Variants in RYR1 observed in about 807,000 individuals in gnomAD.
The protein encoded by RYR1 is ryanodine receptor 1, also known as central core disease of muscle.
Under a neutral mutation model 583.5 loss-of-function variants are expected in RYR1, and 342 were observed. The observed-to-expected ratio is 0.59, with a 90% CI of 0.54 to 0.64. The LOEUF is 0.64. RYR1 is among the 30% of genes least tolerant of loss of function. RYR1 has a pLI of 0.00. For synonymous variants in RYR1, 2,791 were observed against 2,822.5 expected (o/e 0.99, Z 0.35); for missense variants, 6,032 against 6,917.2 (o/e 0.87, Z 4.54).
intron 101 of RYR1, among the ~76,000 whole-genome samples, chr19:38,582,401 A>C (rs943686901): frequency 4.0e-5 from 6 of 151,152 alleles, no homozygotes; most frequent in African/African-American, 1.5e-4. Context: ...CCGTCTCAAA[A>C]AAAAGGAAAA....
At chr19:38,463,884 G>A in intron 22 of RYR1, 34 bp downstream of exon 22, 3 of 1,548,970 alleles carry the variant, frequency 1.9e-6, no homozygotes, top group Non-Finnish European at 2.7e-6. Context: ...GTTGGGGCTG[G>A]CTGCTGGTGC....
intron 89 of RYR1, among the ~76,000 whole-genome samples, chr19:38,554,734 A>G (rs1488498424): frequency 6.6e-6 from 1 of 151,950 alleles, no homozygotes; most frequent in Non-Finnish European, 1.5e-5. Context: ...CAGCCTCCCA[A>G]AGCGCTGGGA....
chr19:38,565,651 C>T lies in RYR1; in HGVS notation c.13317C>T (p.Ala4439=), dbSNP rs113579185. 59,011 of 1,388,862 alleles carry T rather than the reference C, an allele frequency of 0.042. 1,462 individuals carry two copies. Among genetic ancestry groups the T allele is most frequent in the Middle Eastern group, 0.067 (254 of 3,814 alleles). 86.0% of individuals were successfully genotyped at this position (1,388,862 alleles called of 1,614,324 possible). ...CGGGCGGTGCCGACGGGGCGGTGGC[C>T]GTGACCGATGGGGGCCCCTTCCGGC... The part of the protein sequence containing the change: ...AGPGGADGAV[A]VTDGGPFRPE... Residue 4439 remains alanine, a synonymous_variant, in exon 91 of 106, where the codon GCC becomes GCT. Coordinates refer to ENST00000359596, the MANE Select transcript of RYR1 (RefSeq NM_000540.3). This position sits in a 1 kb window ranked among gnomAD's most constrained non-coding sequence, Gnocchi z 4.7.
At chr19:38,497,460 G>C (rs1416123734) in intron 42 of RYR1, among the ~76,000 whole-genome samples, 7 of 152,194 alleles carry the variant, frequency 4.6e-5, no homozygotes, top group Non-Finnish European at 1.0e-4. Context: ...GTGTGGCCTT[G>C]GATAAGTGAC....
At position 38,473,805 on chromosome 19, in the gene RYR1, G is replaced by A. The variant is rs886038329; in HGVS notation, c.4160+34G>A. 4 of 1,462,110 alleles carry A rather than the reference G, an allele frequency of 2.7e-6. No homozygotes were observed. The African/African-American group carries it at 4.3e-5, about 16-fold the overall frequency. 90.6% of individuals were successfully genotyped at this position (1,462,110 alleles called of 1,614,324 possible). A position where few individuals can be genotyped will look rare whatever the true frequency, so the allele number is the denominator to read the frequency against. ...AGGGGGGCCCAGAGTGGGGATTGGG[G>A]GCTGCCTTGGGACCCCCAAGTAGGC... On this transcript the variant is annotated intron_variant, in intron 28 of 105. Coordinates refer to ENST00000359596, the MANE Select transcript of RYR1 (RefSeq NM_000540.3).
chr19:38,453,445 C>G (rs1967198967), intron 13 of RYR1, among the ~76,000 whole-genome samples: 1 of 150,480 alleles, frequency 6.6e-6, no homozygotes, highest in East Asian at 2.0e-4. Context: ...GTGGGGTGGG[C>G]GGACAGAATC....
chr19:38,586,230 A>C (rs780747452), intron 104 of RYR1, 39 bp downstream of exon 104: 6 of 1,569,226 alleles, frequency 3.8e-6, no homozygotes, highest in Non-Finnish European at 5.2e-6. Context: ...GGTGGGGGGC[A>C]TGGCTGCCAA....
intron 28 of RYR1, 35 bp downstream of exon 28, chr19:38,473,806 G>T (rs757941693): frequency 4.1e-6 from 6 of 1,460,150 alleles, no homozygotes; most frequent in Non-Finnish European, 4.5e-6. Context: ...GGGATTGGGG[G>T]CTGCCTTGGG....
chr19:38,475,570 A>G, intron 29 of RYR1, 120 bp downstream of exon 29: 1 of 1,215,016 alleles, frequency 8.2e-7, no homozygotes, highest in South Asian at 1.3e-5. Context: ...ACTCCCCAAT[A>G]TACACTAGAA....
At chr19:38,536,100 C>A (rs1435002798) in intron 82 of RYR1, 30 bp downstream of exon 82, 2 of 1,585,548 alleles carry the variant, frequency 1.3e-6, no homozygotes, top group Non-Finnish European at 1.7e-6. Flanking sequence ...TTCCCACCCC[C>A]TGAGACATCT....
rs757202177 is a variant in RYR1 at position 38,586,007 on chromosome 19, G to T, written c.14868+5G>T. On this transcript the variant is annotated splice_donor_5th_base_variant and intron_variant, in intron 103 of 105. Coordinates refer to ENST00000359596, the MANE Select transcript of RYR1 (RefSeq NM_000540.3). ...CAAGTGAAGGAGGATATGGAGGTAG[G>T]TCATGTCTGGGGGTGACCCAGAGGG... 6.2e-7 allele frequency: 1 copy of T among 1,614,084 alleles called. No individual in the cohort carries two copies. Among genetic ancestry groups the T allele is most frequent in the Non-Finnish European group, 8.5e-7 (1 of 1,180,012 alleles).
In RYR1 at chr19:38,534,707, C is replaced by T. The variant is rs540088883; in HGVS notation, c.11260-13C>T. 1.7e-4 allele frequency: 269 copies of T among 1,611,374 alleles called. No homozygotes were observed. Among genetic ancestry groups the T allele is most frequent in the Non-Finnish European group, 2.2e-4 (261 of 1,178,554 alleles). On this transcript the variant is annotated splice_polypyrimidine_tract_variant and intron_variant, in intron 78 of 105. Transcript: ENST00000359596. ...GCCTGGACTTGCCTTCATGTGTCTGCCTCCCTTCCCAGGAGAAACAGATGG... is the reference window on the plus strand; with the variant it reads ...GCCTGGACTTGCCTTCATGTGTCTGTCTCCCTTCCCAGGAGAAACAGATGG...
intron 25 of RYR1, 46 bp from the exon 26 acceptor site, chr19:38,468,920 C>T: frequency 6.2e-7 from 1 of 1,600,184 alleles, no homozygotes; most frequent in Non-Finnish European, 8.6e-7. Flanking sequence ...CTCTCCATTT[C>T]TCTGTGTGTC....
At chr19:38,570,578 G>A (rs375944437) in intron 93 of RYR1, 29 bp from the exon 94 acceptor site, 19 of 1,563,990 alleles carry the variant, frequency 1.2e-5, no homozygotes, top group African/African-American at 5.4e-5. Flanking sequence ...ATCTGTGAGC[G>A]CTTTCTCTCT....
rs185754956 is a variant in RYR1, at chr19:38,496,321, G to A, written c.6655G>A (p.Glu2219Lys). The A allele has an allele frequency of 1.2e-6, 2 of 1,613,976 alleles. No homozygotes were observed. The highest frequency in any genetic ancestry group is 1.7e-6 in the Non-Finnish European group (2 of 1,180,030). Residue 2219 changes from glutamate to lysine, a missense_variant, in exon 40 of 106, where the codon GAG becomes AAG. By Grantham distance (56) the Glu-to-Lys change is moderately conservative. This residue lies in a region of RYR1 where 2,627 missense variants were observed against 2,961.3 expected (regional missense o/e 0.89). Coordinates refer to ENST00000359596, the MANE Select transcript of RYR1 (RefSeq NM_000540.3). The surrounding 1 kb of genome is among the most constrained non-coding windows in gnomAD (Gnocchi z 4.8). The part of the protein sequence containing the change: ...EVMVNVLGGG[E>K]SKEIRFPKMV... ...CATGGTCAACGTCCTCGGGGGCGGC[G>A]AGTCCAAGGTGAGGGCCCAGGCAGG...
chr19:38,450,138 C>T (rs1468245856), intron 11 of RYR1, among the ~76,000 whole-genome samples: 1 of 152,152 alleles, frequency 6.6e-6, no homozygotes, highest in African/African-American at 2.4e-5. Flanking sequence ...TCTCTGGGAA[C>T]AGACTACGGT....
chr19:38,534,780 G>A lies in RYR1; in HGVS notation c.11320G>A (p.Ala3774Thr), dbSNP rs751516986. 6.2e-7 allele frequency: 1 copy of A among 1,613,854 alleles called. No homozygotes were observed. Among genetic ancestry groups the A allele is most frequent in the East Asian group, 2.2e-5 (1 of 44,876 alleles). Residue 3774 changes from alanine to threonine, a missense_variant, in exon 79 of 106, where the codon GCG (alanine) becomes ACG (threonine). By Grantham distance (58) the Ala-to-Thr change is moderately conservative. Transcript: ENST00000359596. The stretch of plus-strand genomic sequence containing the variant: ...GCAAGCACGGCTGCACACCCGGGGG[G>A]CGGCCGAGATGGTGCTGCAGATGAT... ...YQQARLHTRG[A>T]AEMVLQMISA...
At chr19:38,434,025 T>C (rs1972316552) in intron 1 of RYR1, 151 bp downstream of exon 1, 6 of 781,382 alleles carry the variant, frequency 7.7e-6, no homozygotes, top group Non-Finnish European at 1.4e-5. Flanking sequence ...CACTCTGTCT[T>C]TTAGTCTCCT....
rs564495912 is a variant in RYR1, at chr19:38,473,410, C to A, written c.3799C>A (p.Pro1267Thr). The change falls in exon 28 of 106, where the codon CCC becomes ACC. Residue 1267 changes from proline (P) to threonine (T), a missense_variant. Pro to Thr is a conservative substitution (Grantham distance 38). Transcript: ENST00000359596. ...AGTGGACGGCACTGTGGACACGCCCCCCTGCCTGCGCCTGACCCACCGCAC... is the reference window on the plus strand; with the variant it reads ...AGTGGACGGCACTGTGGACACGCCCACCTGCCTGCGCCTGACCCACCGCAC... ...SRVDGTVDTP[P>T]CLRLTHRTWG... 5.0e-6 allele frequency: 8 copies of A among 1,613,892 alleles called. No individual in the cohort carries two copies. Among genetic ancestry groups the A allele is most frequent in the Non-Finnish European group, 5.9e-6 (7 of 1,179,968 alleles).
Sources: gnomAD v4.1 joint callset for allele counts (sites outside exome capture counted in the v4.1 genomes callset) on GRCh38, gnomAD v4.1.1 for gene constraint, gnomAD v4.1.1 regional missense constraint, Gnocchi (gnomAD v3.1) non-coding constraint, MANE v1.5 for transcripts, NCBI Gene and HGNC (gene_info 2026-07-23, HGNC 2026-07-21) for gene names.